Variants in ZBTB20 observed in about 807,000 individuals in gnomAD.
ZBTB20 encodes the protein zinc finger and BTB domain-containing protein 20.
Under a neutral mutation model 56.9 loss-of-function variants are expected in ZBTB20, and 9 were observed. The observed-to-expected ratio is 0.16, with a 90% CI of 0.10 to 0.28. The LOEUF (loss-of-function observed/expected upper bound fraction) is 0.28. Among genes scored for constraint, ZBTB20 ranks in the 10% least tolerant of loss-of-function variants. ZBTB20 has a pLI of 1.00. For missense variants in ZBTB20, 655 were observed against 1,003.0 expected (o/e 0.65, Z 4.69); for synonymous variants, 417 against 420.7 (o/e 0.99, Z 0.11).
chr3:115,132,011 T>C (rs886972942), intron 1 of ZBTB20, among the ~76,000 whole-genome samples: 3 of 152,160 alleles, frequency 2.0e-5, no homozygotes, highest in Non-Finnish European at 4.4e-5. Context: ...TCATATTTGC[T>C]TGCCTTTCGT....
intron 10 of ZBTB20, among the ~76,000 whole-genome samples, chr3:114,368,540 G>T (rs562832245): frequency 2.7e-4 from 41 of 152,294 alleles, no homozygotes; most frequent in African/African-American, 8.9e-4. Flanking sequence ...ATTCTGATTA[G>T]GATATGTCCT....
intron 3 of ZBTB20, among the ~76,000 whole-genome samples, chr3:114,936,873 T>G: frequency 6.6e-6 from 1 of 152,050 alleles, no homozygotes; most frequent in East Asian, 1.9e-4. Context: ...AGATAATTAT[T>G]TGGGGTAGAA....
At chr3:114,352,634 T>C (rs1329026457) in intron 10 of ZBTB20, among the ~76,000 whole-genome samples, 1 of 152,196 alleles carries the variant, frequency 6.6e-6, no homozygotes, top group East Asian at 1.9e-4. Context: ...TTGAGCACTT[T>C]CTAGGGTGGT....
intron 3 of ZBTB20, among the ~76,000 whole-genome samples, chr3:114,953,044 A>T (rs1414234796): frequency 6.6e-6 from 1 of 152,130 alleles, no homozygotes; most frequent in African/African-American, 2.4e-5. Flanking sequence ...CTTCCAATGT[A>T]TGTAGATATA....
At chr3:114,969,809 C>CT (rs2077799651) in intron 3 of ZBTB20, among the ~76,000 whole-genome samples, 2 of 152,094 alleles carry the variant, frequency 1.3e-5, no homozygotes, top group Admixed American at 1.3e-4. Context: ...AACAAAAATG[C>CT]TTACATGGTA....
At chr3:114,424,285 A>T (rs1471803270) in intron 7 of ZBTB20, among the ~76,000 whole-genome samples, 1 of 152,206 alleles carries the variant, frequency 6.6e-6, no homozygotes, top group East Asian at 1.9e-4. Context: ...TGTGCCATGC[A>T]CTTCACACCC....
chr3:115,000,914 A>G (rs1021998249), intron 2 of ZBTB20, among the ~76,000 whole-genome samples: 1 of 151,528 alleles, frequency 6.6e-6, no homozygotes, highest in Non-Finnish European at 1.5e-5. Flanking sequence ...GGAAAACACT[A>G]TAAACTTCTT....
chr3:115,013,049 A>G (rs1445580672), intron 2 of ZBTB20, among the ~76,000 whole-genome samples: 1 of 151,812 alleles, frequency 6.6e-6, no homozygotes, highest in Non-Finnish European at 1.5e-5. Context: ...GCCAAAATCT[A>G]TGGGATACAG....
At chr3:115,079,806 T>C (rs1194315076) in intron 1 of ZBTB20, among the ~76,000 whole-genome samples, 1 of 152,232 alleles carries the variant, frequency 6.6e-6, no homozygotes, top group Non-Finnish European at 1.5e-5. Context: ...ATAATTCAAT[T>C]GCATATTATC....
intron 7 of ZBTB20, among the ~76,000 whole-genome samples, chr3:114,486,455 A>G (rs1313281625): frequency 6.6e-6 from 1 of 152,204 alleles, no homozygotes; most frequent in Non-Finnish European, 1.5e-5. Flanking sequence ...CCTAACCTTT[A>G]CTGAAAGGTA....
At chr3:114,541,432 C>A (rs1181565397) in intron 6 of ZBTB20, among the ~76,000 whole-genome samples, 2 of 152,144 alleles carry the variant, frequency 1.3e-5, no homozygotes, top group Non-Finnish European at 1.5e-5. Flanking sequence ...GATCAGGATT[C>A]AACTTGTGGA....
intron 6 of ZBTB20, among the ~76,000 whole-genome samples, chr3:114,500,803 C>T (rs576727178): frequency 1.6e-4 from 25 of 152,292 alleles, no homozygotes; most frequent in African/African-American, 6.0e-4. Flanking sequence ...CTCAGTCTTG[C>T]CAGCTTCATT....
intron 7 of ZBTB20, among the ~76,000 whole-genome samples, chr3:114,479,149 G>C (rs1322318393): frequency 6.6e-6 from 1 of 152,016 alleles, no homozygotes. Context: ...GGATTTTGGT[G>C]AATAAGAAAG....
chr3:114,805,809 C>T (rs962983128), intron 4 of ZBTB20, among the ~76,000 whole-genome samples: 5 of 151,698 alleles, frequency 3.3e-5, no homozygotes, highest in Admixed American at 1.3e-4. Flanking sequence ...TATAAATTTG[C>T]CCTTTTTGGA....
intron 6 of ZBTB20, among the ~76,000 whole-genome samples, chr3:114,599,502 G>A (rs2056592492): frequency 6.6e-6 from 1 of 151,926 alleles, no homozygotes; most frequent in African/African-American, 2.4e-5. Flanking sequence ...AAAATACCTT[G>A]GTATAACTGT....
intron 6 of ZBTB20, among the ~76,000 whole-genome samples, chr3:114,542,501 T>C (rs1194381619): frequency 1.3e-5 from 2 of 152,160 alleles, no homozygotes; most frequent in African/African-American, 2.4e-5. Flanking sequence ...AAGGCAGGAT[T>C]ATCCTCATTT....
At chr3:114,918,843 C>A (rs2107745175) in intron 3 of ZBTB20, among the ~76,000 whole-genome samples, 1 of 152,300 alleles carries the variant, frequency 6.6e-6, no homozygotes, top group Admixed American at 6.5e-5. Context: ...GGAGGGGTGG[C>A]AGAAGCCCTC....
chr3:114,866,170 C>G (rs964311016), intron 4 of ZBTB20, among the ~76,000 whole-genome samples: 1 of 152,168 alleles, frequency 6.6e-6, no homozygotes, highest in African/African-American at 2.4e-5. Context: ...TCACTGAGTA[C>G]TAAGCTATGT....
chr3:114,976,559 G>A (rs897469194), intron 2 of ZBTB20, among the ~76,000 whole-genome samples: 4 of 151,758 alleles, frequency 2.6e-5, no homozygotes, highest in Non-Finnish European at 5.9e-5. Flanking sequence ...CTAAGAGGTG[G>A]AGGTTGCAGT....
Sources: gnomAD v4.1 joint callset for allele counts (sites outside exome capture counted in the v4.1 genomes callset) on GRCh38, gnomAD v4.1.1 for gene constraint, MANE v1.5 for transcripts, NCBI Gene and HGNC (gene_info 2026-07-23, HGNC 2026-07-21) for gene names.